CNTN4: variants seen among roughly 807,000 people sequenced by gnomAD.
CNTN4 encodes the protein contactin 4, also known as contactin-4.
In CNTN4, 77 loss-of-function variants were observed where a neutral mutation model predicts 122.5. That is an observed-to-expected ratio of 0.63 (90% CI 0.52 to 0.76). The LOEUF is 0.76. Among genes scored for constraint, CNTN4 ranks in the 30% least tolerant of loss-of-function variants. CNTN4 has a pLI of 0.00. For missense variants in CNTN4, 1,256 were observed against 1,259.1 expected, an observed-to-expected ratio of 1.00 and a Z score of 0.04; for synonymous variants, 512 against 447.0, an observed-to-expected ratio of 1.15 and a Z score of -1.83.
At chr3:2,291,951 G>T (rs1405988510) in intron 2 of CNTN4, among the ~76,000 whole-genome samples, 1 of 152,002 alleles carries the variant, frequency 6.6e-6, no homozygotes, top group Non-Finnish European at 1.5e-5. Context: ...GGTCAGGCTG[G>T]TCTCGAACTC....
chr3:2,194,061 TA>T (rs544078739), intron 2 of CNTN4, among the ~76,000 whole-genome samples: 35 of 152,240 alleles, frequency 2.3e-4, no homozygotes, highest in Middle Eastern at 3.4e-3. Context: ...TATGGGTACA[TA>T]AAAAAATGTC....
chr3:2,468,985 G>C (rs995859350), intron 3 of CNTN4, among the ~76,000 whole-genome samples: 1 of 152,080 alleles, frequency 6.6e-6, no homozygotes, highest in African/African-American at 2.4e-5. Context: ...ATCTGGCAAG[G>C]AGAAATAAGA....
chr3:2,240,687 A>G (rs546196031), intron 2 of CNTN4, among the ~76,000 whole-genome samples: 2 of 151,596 alleles, frequency 1.3e-5, no homozygotes, highest in Non-Finnish European at 2.9e-5. Context: ...TATGTAACTC[A>G]TGTATGAAAA....
rs2087008574 is a variant in CNTN4 at position 2,709,817 on chromosome 3, G to C, written c.56-26398G>C. On this transcript the variant is annotated intron_variant, in intron 4 of 24. Coordinates refer to ENST00000418658, the MANE Select transcript of CNTN4 (RefSeq NM_175607.3). This position sits in a 1 kb window ranked among gnomAD's most constrained non-coding sequence, Gnocchi z 5.0. The stretch of plus-strand genomic sequence containing the variant: ...TAGTCCCAGCTACTTGGGAGGCTGA[G>C]CCAGGAGAGCCCGGGAGTCCAGCAG... 1.3e-5 allele frequency among the ~76,000 whole-genome samples: 2 copies of C among 152,030 alleles called. No homozygotes were observed. The highest frequency in any genetic ancestry group is 1.3e-4 in the Admixed American group (2 of 15,254).
chr3:2,762,983 G>C (rs11720395), intron 6 of CNTN4, among the ~76,000 whole-genome samples: 67,431 of 136,530 alleles, frequency 0.49, 17,997 homozygotes, highest in Non-Finnish European at 0.61. Context: ...GCTGTGTCGC[G>C]CAGGCTGGAG....
chr3:2,930,489 C>A (rs937000690), intron 13 of CNTN4, among the ~76,000 whole-genome samples: 1 of 152,050 alleles, frequency 6.6e-6, no homozygotes, highest in African/African-American at 2.4e-5. Flanking sequence ...TACTTTTCAC[C>A]GAAGCCAAAT....
intron 4 of CNTN4, among the ~76,000 whole-genome samples, chr3:2,694,528 G>A (rs1389653922): frequency 1.3e-5 from 2 of 152,044 alleles, no homozygotes; most frequent in Middle Eastern, 6.3e-3. Flanking sequence ...TCAGGAGTTC[G>A]AGATCAGCCT....
intron 3 of CNTN4, among the ~76,000 whole-genome samples, chr3:2,504,030 T>C (rs2076668537): frequency 6.6e-6 from 1 of 151,980 alleles, no homozygotes; most frequent in Non-Finnish European, 1.5e-5. Context: ...TTTTTTTTTA[T>C]TTCCAGGTGA....
chr3:2,328,557 T>C (rs1211442336), intron 2 of CNTN4, among the ~76,000 whole-genome samples: 1 of 152,202 alleles, frequency 6.6e-6, no homozygotes, highest in Non-Finnish European at 1.5e-5. Context: ...GCCATGAACA[T>C]TGATAGGAGT....
chr3:2,756,282 T>G (rs908205695), intron 6 of CNTN4, among the ~76,000 whole-genome samples: 1 of 152,100 alleles, frequency 6.6e-6, no homozygotes, highest in Admixed American at 6.5e-5. Flanking sequence ...GGTGGGGCCT[T>G]TGGTGGTGAT....
chr3:2,854,265 C>CT (rs2093592983), intron 7 of CNTN4, among the ~76,000 whole-genome samples: 4 of 81,746 alleles, frequency 4.9e-5, no homozygotes, highest in African/African-American at 1.9e-4. Flanking sequence ...TTTCTTTCTT[C>CT]TTCTTTTTTT....
At chr3:2,760,697 C>A (rs2090548464) in intron 6 of CNTN4, among the ~76,000 whole-genome samples, 1 of 152,170 alleles carries the variant, frequency 6.6e-6, no homozygotes, top group Non-Finnish European at 1.5e-5. Context: ...ACATTCCCTG[C>A]AAGCAAAACA....
chr3:2,699,500 G>A lies in CNTN4; in HGVS notation c.56-36715G>A, dbSNP rs548457326. On this transcript the variant is annotated intron_variant, in intron 4 of 24. Transcript: ENST00000418658. ...TCAGGTGTAAATTGAGAATAGATTT[G>A]CACCTAAGTCTTCTTTGGTTGATTT... Among the ~76,000 whole-genome samples the A allele has an allele frequency of 3.3e-5, 5 of 152,306 alleles. No homozygotes were observed. The South Asian group carries it at 1.0e-3, about 32-fold the overall frequency.
At chr3:2,358,648 A>G (rs190351653) in intron 3 of CNTN4, among the ~76,000 whole-genome samples, 1 of 152,226 alleles carries the variant, frequency 6.6e-6, no homozygotes, top group East Asian at 1.9e-4. Flanking sequence ...TCCTATTAGC[A>G]GGTATAAGTG....
chr3:3,010,922 A>G (rs1226041268), intron 14 of CNTN4, among the ~76,000 whole-genome samples: 1 of 152,174 alleles, frequency 6.6e-6, no homozygotes, highest in East Asian at 1.9e-4. Flanking sequence ...GCAGATCTCC[A>G]CTACTGGTAA....
intron 3 of CNTN4, among the ~76,000 whole-genome samples, chr3:2,403,871 T>C (rs1056494223): frequency 2.6e-5 from 4 of 152,322 alleles, no homozygotes; most frequent in African/African-American, 9.6e-5. Context: ...CCTAGAATTC[T>C]TTCTGCTCTA....
intron 4 of CNTN4, among the ~76,000 whole-genome samples, chr3:2,668,571 G>C (rs2084310663): frequency 6.6e-6 from 1 of 152,062 alleles, no homozygotes; most frequent in Admixed American, 6.5e-5. Flanking sequence ...TTTCCTAATT[G>C]AATACCCTTT....
At chr3:2,610,596 G>A (rs2081439775) in intron 4 of CNTN4, among the ~76,000 whole-genome samples, 1 of 152,144 alleles carries the variant, frequency 6.6e-6, no homozygotes, top group African/African-American at 2.4e-5. Context: ...TTGCCATTAT[G>A]GGGGTGGGTT....
intron 4 of CNTN4, among the ~76,000 whole-genome samples, chr3:2,715,064 TG>T (rs1312645047): frequency 6.6e-6 from 1 of 152,240 alleles, no homozygotes; most frequent in African/African-American, 2.4e-5. Context: ...TCAAGGTTGT[TG>T]ATATCTCTTG....
Sources: allele counts gnomAD v4.1 joint callset (sites outside exome capture counted in the v4.1 genomes callset), GRCh38; gene constraint gnomAD v4.1.1; non-coding constraint Gnocchi (gnomAD v3.1); transcripts MANE v1.5; gene names NCBI Gene and HGNC (gene_info 2026-07-23, HGNC 2026-07-21).